The following DLG2 variants were observed in gnomAD, a reference collection of about 807,000 sequenced individuals.
The protein encoded by DLG2 is disks large homolog 2.
DLG2 carries 45 observed loss-of-function variants against 132.5 expected under a neutral mutation model. The ratio of observed to expected loss-of-function variants is 0.34; its 90% CI spans 0.27 to 0.44. DLG2 has a LOEUF of 0.44. DLG2 is among the 20% of genes least tolerant of loss of function. The probability of loss-of-function intolerance (pLI) is 1.00; values close to 1 mark genes in which losing one functional copy is unlikely to be tolerated. For missense variants in DLG2, 1,045 were observed against 1,196.9 expected, an observed-to-expected ratio of 0.87 and a Z score of 1.87; for synonymous variants, 424 against 419.6, an observed-to-expected ratio of 1.01 and a Z score of -0.13.
chr11:84,418,482 TAC>T (rs577414570), intron 7 of DLG2, among the ~76,000 whole-genome samples: 145 of 152,328 alleles, frequency 9.5e-4, no homozygotes, highest in African/African-American at 3.4e-3. Flanking sequence ...AGAAATGAAG[TAC>T]AGAGTCATGA....
At chr11:84,364,559 TG>T (rs1335399880) in intron 7 of DLG2, among the ~76,000 whole-genome samples, 2 of 151,832 alleles carry the variant, frequency 1.3e-5, no homozygotes, top group African/African-American at 4.8e-5. Flanking sequence ...CGAATAGGAG[TG>T]GTGAGAGAGG....
chr11:85,160,084 TA>T (rs777106818), intron 4 of DLG2, among the ~76,000 whole-genome samples: 8 of 152,084 alleles, frequency 5.3e-5, no homozygotes, highest in African/African-American at 1.9e-4. Flanking sequence ...CCTTCTAAGG[TA>T]AAAAATAAGT....
intron 6 of DLG2, among the ~76,000 whole-genome samples, chr11:84,691,733 T>C (rs138128133): frequency 6.6e-6 from 1 of 151,894 alleles, no homozygotes; most frequent in African/African-American, 2.4e-5. Flanking sequence ...CTTTTAGATG[T>C]ACAGCACTCT....
At chr11:85,569,818 A>C (rs899805161) in intron 3 of DLG2, among the ~76,000 whole-genome samples, 1 of 152,216 alleles carries the variant, frequency 6.6e-6, no homozygotes, top group African/African-American at 2.4e-5. Flanking sequence ...TGTGGAAAGC[A>C]CTTTGGAGAT....
At chr11:83,763,831 T>A (rs1442085325) in intron 18 of DLG2, among the ~76,000 whole-genome samples, 1 of 152,230 alleles carries the variant, frequency 6.6e-6, no homozygotes, top group Non-Finnish European at 1.5e-5. Context: ...GCACAATGGT[T>A]CCTACAATAT....
intron 4 of DLG2, among the ~76,000 whole-genome samples, chr11:85,273,899 T>C (rs1565251076): frequency 6.6e-6 from 1 of 152,162 alleles, no homozygotes; most frequent in Non-Finnish European, 1.5e-5. Flanking sequence ...ATGTGGCACA[T>C]ATACACCATG....
Position 83,698,391 on chromosome 11 carries a change from T to C in DLG2, c.1826-65066A>G, listed in dbSNP as rs139924867. 5.4e-3 allele frequency among the ~76,000 whole-genome samples: 826 copies of C among 152,328 alleles called. 7 individuals are homozygous for C. The highest frequency in any genetic ancestry group is 0.017 in the African/African-American group (706 of 41,576). The stretch of plus-strand genomic sequence containing the variant: ...ACATAGCAGCATCTTATGCCAATCA[T>C]GAATCTTTTCTCATAGTAAAATTAT... On this transcript the variant is annotated intron_variant, in intron 18 of 27. Coordinates refer to ENST00000376104, the MANE Select transcript of DLG2 (RefSeq NM_001142699.3).
chr11:83,474,098 G>A (rs2092376821), intron 22 of DLG2, among the ~76,000 whole-genome samples: 1 of 152,098 alleles, frequency 6.6e-6, no homozygotes, highest in Non-Finnish European at 1.5e-5. Flanking sequence ...TAAGGGTACA[G>A]AGAGTGGACC....
intron 6 of DLG2, among the ~76,000 whole-genome samples, chr11:84,928,926 A>G (rs2047717243): frequency 6.9e-6 from 1 of 144,724 alleles, no homozygotes; most frequent in Non-Finnish European, 1.5e-5. Flanking sequence ...ACAAGCCAAG[A>G]AGGCTATGCA....
intron 4 of DLG2, among the ~76,000 whole-genome samples, chr11:85,163,671 C>G (rs1316032152): frequency 6.6e-6 from 1 of 152,128 alleles, no homozygotes; most frequent in African/African-American, 2.4e-5. Context: ...CACCTACTAC[C>G]TATGTGGAAT....
intron 11 of DLG2, among the ~76,000 whole-genome samples, chr11:84,008,008 A>T (rs938012543): frequency 6.6e-6 from 1 of 151,834 alleles, no homozygotes; most frequent in African/African-American, 2.4e-5. Context: ...TAAACCATTT[A>T]CATTTATTTA....
chr11:84,314,900 C>A (rs979412702), intron 7 of DLG2, among the ~76,000 whole-genome samples: 3 of 152,018 alleles, frequency 2.0e-5, no homozygotes, highest in Admixed American at 6.6e-5. Flanking sequence ...TTTAGCATAG[C>A]ACTTTTATAG....
chr11:84,133,413 G>A (rs1299888377), intron 9 of DLG2, among the ~76,000 whole-genome samples: 1 of 151,992 alleles, frequency 6.6e-6, no homozygotes, highest in Admixed American at 6.6e-5. Flanking sequence ...AAAATGGCCA[G>A]TGTGGGCTAT....
chr11:83,895,662 T>C (rs2071431189), intron 15 of DLG2, among the ~76,000 whole-genome samples: 1 of 152,196 alleles, frequency 6.6e-6, no homozygotes, highest in South Asian at 2.1e-4. Context: ...GTCCCTGCTA[T>C]TGTTCTTTAC....
chr11:84,629,775 C>T lies in DLG2; in HGVS notation c.358-95044G>A, dbSNP rs1380514425. ...AGAAAGGGAAGAAGGAAAAGGCAGA[C>T]GAACGGAGAGAGGGAGAGAAAGTTA... On this transcript the variant is annotated intron_variant, in intron 6 of 27. Transcript: ENST00000376104. Among the ~76,000 whole-genome samples the T allele has an allele frequency of 2.7e-5, 4 of 150,598 alleles. No homozygotes were observed. In the South Asian group the frequency reaches 6.3e-4, roughly 24 times the overall value.
rs149512594 is a variant in DLG2 at position 84,736,119 on chromosome 11, AT to A, written c.358-201389del. Among the ~76,000 whole-genome samples, 925 of 151,954 alleles carry A rather than the reference AT, an allele frequency of 6.1e-3. 4 individuals carry two copies. Among genetic ancestry groups the A allele is most frequent in the Non-Finnish European group, 0.01 (695 of 67,852 alleles). ...CAAGTTCATTTTTTTGCACATGTAT[AT>A]TTAATTGTTTCTGTATTATTTGTTG... On this transcript the variant is annotated intron_variant, in intron 6 of 27. Coordinates refer to ENST00000376104, the MANE Select transcript of DLG2 (RefSeq NM_001142699.3).
At chr11:84,803,050 C>T (rs193160081) in intron 6 of DLG2, among the ~76,000 whole-genome samples, 144 of 152,274 alleles carry the variant, frequency 9.5e-4, no homozygotes, top group African/African-American at 3.4e-3. Flanking sequence ...CTGCCCGCCT[C>T]GGCCTCCCAA....
At chr11:84,515,310 CACACA>C (rs1565161706) in intron 7 of DLG2, among the ~76,000 whole-genome samples, 9 of 151,300 alleles carry the variant, frequency 5.9e-5, no homozygotes, top group East Asian at 5.8e-4. Flanking sequence ...CACACACACA[CACACA>C]CCCCAAATAT....
At chr11:83,537,807 C>CAA (rs1164386994) in intron 20 of DLG2, among the ~76,000 whole-genome samples, 521 of 17,910 alleles carry the variant, frequency 0.029, 39 homozygotes, top group Middle Eastern at 0.045. Context: ...GACTCTGTCT[C>CAA]AAAAAAAAAA....
Sources: allele counts gnomAD v4.1 joint callset (sites outside exome capture counted in the v4.1 genomes callset), GRCh38; gene constraint gnomAD v4.1.1; transcripts MANE v1.5; gene names NCBI Gene and HGNC (gene_info 2026-07-23, HGNC 2026-07-21).